Variants in NOVA1 observed in about 807,000 individuals in gnomAD.
NOVA1 encodes the protein NOVA alternative splicing regulator 1, also known as RNA-binding protein Nova-1.
In NOVA1, 7 loss-of-function variants were observed where a neutral mutation model predicts 38.0. That is an observed-to-expected ratio of 0.18 (90% CI 0.10 to 0.35). NOVA1 has a LOEUF of 0.35. Ranked by LOEUF, NOVA1 falls within the 10% of genes least tolerant of loss-of-function variation. The pLI is 1.00. For missense variants in NOVA1, 460 were observed against 616.0 expected (o/e 0.75, Z 2.68); for synonymous variants, 270 against 232.5 (o/e 1.16, Z -1.47).
chr14:26,468,279 G>A lies in NOVA1; in HGVS notation c.519+4041C>T, dbSNP rs551015427. ...GAGAGTTGCCTGTAGCCAATAGCCA[G>A]TTATAAGTTGTGGCCCTCAGTCAAA... is the stretch of plus-strand genomic sequence containing the variant. On this transcript the variant is annotated intron_variant, in intron 4 of 4. Transcript: ENST00000539517. Among the ~76,000 whole-genome samples, 3 of 149,390 alleles carry A rather than the reference G, an allele frequency of 2.0e-5. No individual in the cohort carries two copies. In the East Asian group the frequency reaches 6.0e-4, roughly 30 times the overall value.
intron 2 of NOVA1, among the ~76,000 whole-genome samples, chr14:26,564,394 T>G (rs887865798): frequency 6.6e-6 from 1 of 152,092 alleles, no homozygotes; most frequent in African/African-American, 2.4e-5. Context: ...TATCCCTACT[T>G]TACACATGAA....
chr14:26,507,055 T>C (rs1303229580), intron 2 of NOVA1, among the ~76,000 whole-genome samples: 6 of 152,224 alleles, frequency 3.9e-5, no homozygotes, highest in African/African-American at 1.4e-4. Context: ...CTGGATTGTA[T>C]CCTGGTTGCT....
chr14:26,589,267 A>G (rs145613155), intron 2 of NOVA1, among the ~76,000 whole-genome samples: 68 of 151,850 alleles, frequency 4.5e-4, no homozygotes, highest in African/African-American at 1.5e-3. Context: ...GTGATAACAT[A>G]TCTGTATTCA....
At chr14:26,518,238 A>T (rs766952383) in intron 2 of NOVA1, among the ~76,000 whole-genome samples, 15 of 152,050 alleles carry the variant, frequency 9.9e-5, no homozygotes, top group Non-Finnish European at 1.9e-4. Flanking sequence ...TTTCATTTTC[A>T]CAAACACTGT....
intron 2 of NOVA1, among the ~76,000 whole-genome samples, chr14:26,565,442 G>A (rs116192138): frequency 0.022 from 3,401 of 152,156 alleles, 103 homozygotes; most frequent in African/African-American, 0.068. Context: ...TGCTGTCCCA[G>A]TGTATTCCCT....
At chr14:26,487,885 T>C (rs926809694) in intron 2 of NOVA1, among the ~76,000 whole-genome samples, 1 of 152,140 alleles carries the variant, frequency 6.6e-6, no homozygotes, top group Non-Finnish European at 1.5e-5. Context: ...TAAGATTTTT[T>C]AGGACAAGTT....
intron 4 of NOVA1, among the ~76,000 whole-genome samples, chr14:26,467,298 T>C (rs1332842075): frequency 6.6e-6 from 1 of 152,096 alleles, no homozygotes; most frequent in Non-Finnish European, 1.5e-5. Context: ...ACAAATACTG[T>C]TGGTAGATAA....
intron 2 of NOVA1, among the ~76,000 whole-genome samples, chr14:26,526,133 T>C (rs1427310158): frequency 6.6e-6 from 1 of 152,144 alleles, no homozygotes; most frequent in Non-Finnish European, 1.5e-5. Context: ...CTCAATACGC[T>C]AATAAATAAG....
chr14:26,556,156 C>T (rs1433451749), intron 2 of NOVA1, among the ~76,000 whole-genome samples: 4 of 151,884 alleles, frequency 2.6e-5, no homozygotes, highest in Non-Finnish European at 1.5e-5. Context: ...TTAACTGATT[C>T]TAAAGATTTA....
At chr14:26,529,836 T>C (rs983736605) in intron 2 of NOVA1, among the ~76,000 whole-genome samples, 1 of 152,202 alleles carries the variant, frequency 6.6e-6, no homozygotes, top group Admixed American at 6.5e-5. Flanking sequence ...TTTCATGTTG[T>C]CCTTTTCCTG....
intron 2 of NOVA1, among the ~76,000 whole-genome samples, chr14:26,588,030 T>C (rs2138798693): frequency 6.7e-6 from 1 of 150,334 alleles, no homozygotes; most frequent in East Asian, 2.1e-4. Context: ...AAATGCAGGA[T>C]TTGAAATCTT....
intron 2 of NOVA1, among the ~76,000 whole-genome samples, chr14:26,546,029 T>C (rs904650815): frequency 6.6e-6 from 1 of 152,048 alleles, no homozygotes; most frequent in Non-Finnish European, 1.5e-5. Context: ...TTTATAAAAA[T>C]AAGCAGAAAT....
At chr14:26,501,979 T>C (rs1237276879) in intron 2 of NOVA1, among the ~76,000 whole-genome samples, 1 of 151,978 alleles carries the variant, frequency 6.6e-6, no homozygotes, top group East Asian at 1.9e-4. Context: ...GCAAGGACTA[T>C]GTATAAATAC....
chr14:26,458,688 A>T (rs186828512), intron 4 of NOVA1, among the ~76,000 whole-genome samples: 8 of 152,068 alleles, frequency 5.3e-5, no homozygotes, highest in Admixed American at 1.3e-4. Flanking sequence ...GGGAGGGGGA[A>T]TGGGTTGAAA....
At chr14:26,450,183 G>A (rs1333450995) in intron 4 of NOVA1, among the ~76,000 whole-genome samples, 2 of 152,042 alleles carry the variant, frequency 1.3e-5, no homozygotes, top group Non-Finnish European at 2.9e-5. Flanking sequence ...GTTGTTTGAG[G>A]TATTCTATGA....
rs534818607 is a variant in NOVA1, at chr14:26,490,280, C to T, written c.281-10137G>A. Among the ~76,000 whole-genome samples the T allele has an allele frequency of 2.6e-5, 4 of 152,302 alleles. 1 individual carries two copies. In the South Asian group the frequency reaches 8.3e-4, roughly 32 times the overall value. ...TGTTGGTGGACACGTGGGTTGTTTA[C>T]ACCTTTTGGCTATTGTGAATACTGC... On this transcript the variant is annotated intron_variant, in intron 2 of 4. Transcript: ENST00000539517.
intron 4 of NOVA1, among the ~76,000 whole-genome samples, chr14:26,455,739 A>C (rs929965379): frequency 2.0e-5 from 3 of 152,066 alleles, no homozygotes; most frequent in Admixed American, 6.6e-5. Flanking sequence ...TGAAGGAGGA[A>C]CAGAAGAGAA....
At chr14:26,547,689 A>T (rs1007159613) in intron 2 of NOVA1, among the ~76,000 whole-genome samples, 2 of 152,156 alleles carry the variant, frequency 1.3e-5, no homozygotes, top group Non-Finnish European at 2.9e-5. Flanking sequence ...TTCAGTAAAT[A>T]AAATGAATGG....
chr14:26,555,743 C>T (rs1426651773), intron 2 of NOVA1, among the ~76,000 whole-genome samples: 3 of 152,004 alleles, frequency 2.0e-5, no homozygotes. Context: ...GATGAAATAC[C>T]TCTAAGCTTT....
Sources: gnomAD v4.1 joint callset for allele counts (sites outside exome capture counted in the v4.1 genomes callset) on GRCh38, gnomAD v4.1.1 for gene constraint, MANE v1.5 for transcripts, NCBI Gene and HGNC (gene_info 2026-07-23, HGNC 2026-07-21) for gene names.